The following NEURL1B variants were observed in gnomAD, a reference collection of about 807,000 sequenced individuals.
NEURL1B encodes the protein neuralized E3 ubiquitin protein ligase 1B.
NEURL1B carries 13 observed loss-of-function variants against 37.4 expected under a neutral mutation model. The observed-to-expected ratio is 0.35, with a 90% CI of 0.23 to 0.55. The LOEUF (loss-of-function observed/expected upper bound fraction) is 0.55. NEURL1B is among the 20% of genes least tolerant of loss of function. NEURL1B has a pLI of 0.89. For missense variants in NEURL1B, 790 were observed against 879.2 expected (o/e 0.90, Z 1.28); for synonymous variants, 432 against 426.6 (o/e 1.01, Z -0.16).
chr5:172,674,374 T>C (rs10064846), intron 2 of NEURL1B, among the ~76,000 whole-genome samples: 39,215 of 151,834 alleles, frequency 0.26, 7,993 homozygotes, highest in African/African-American at 0.58. Flanking sequence ...GCTGCAGCAG[T>C]GAGTGCTGCA....
At chr5:172,655,454 T>A (rs1757754150) in intron 1 of NEURL1B, among the ~76,000 whole-genome samples, 1 of 152,136 alleles carries the variant, frequency 6.6e-6, no homozygotes, top group Non-Finnish European at 1.5e-5. Context: ...TGTGCTGGTA[T>A]AAATCCTACG....
At chr5:172,674,836 T>C (rs4867684) in intron 2 of NEURL1B, among the ~76,000 whole-genome samples, 117,235 of 152,038 alleles carry the variant, frequency 0.77, 46,164 homozygotes, top group African/African-American at 0.94. Context: ...CCTTTTCATG[T>C]CTTCTCCTGA....
chr5:172,682,845 T>C (rs1758385362), intron 2 of NEURL1B, among the ~76,000 whole-genome samples: 1 of 152,210 alleles, frequency 6.6e-6, no homozygotes, highest in Non-Finnish European at 1.5e-5. Flanking sequence ...CCCTTGGTCA[T>C]GTTCCCCAAC....
chr5:172,646,543 C>G (rs1757563504), intron 1 of NEURL1B, among the ~76,000 whole-genome samples: 1 of 152,206 alleles, frequency 6.6e-6, no homozygotes, highest in Admixed American at 6.5e-5. Flanking sequence ...GTTCCTTGGG[C>G]TCTTTCCTGA....
At position 172,686,102 on chromosome 5, in the gene NEURL1B, G is replaced by A; in HGVS notation, c.1298-69G>A. ...CGGGAAAGCTAAGGTGCAAAGCAGT[G>A]AAGAACCATGGACTAGCAGGGCAGG... On this transcript the variant is annotated intron_variant, in intron 3 of 4. Coordinates refer to ENST00000369800, the MANE Select transcript of NEURL1B (RefSeq NM_001142651.3). The surrounding 1 kb of genome is among the most constrained non-coding windows in gnomAD (Gnocchi z 7.9). The A allele has an allele frequency of 6.5e-7, 1 of 1,532,496 alleles. No individual in the cohort carries two copies. The highest frequency in any genetic ancestry group is 8.8e-7 in the Non-Finnish European group (1 of 1,136,822). The allele number at this position is 1,532,496 out of a possible 1,614,324, so 94.9% of individuals were successfully genotyped here. A position where few individuals can be genotyped will look rare whatever the true frequency, so the allele number is the denominator to read the frequency against.
At position 172,661,041 on chromosome 5, in the gene NEURL1B, A is replaced by G. The variant is rs994617146; in HGVS notation, c.32-8744A>G. ...TCTGGATATGGCGGGAAGCCTTGCT[A>G]AATACCAGCCTTGCCTTTTCCTCTC... On this transcript the variant is annotated intron_variant, in intron 1 of 4. Coordinates refer to ENST00000369800, the MANE Select transcript of NEURL1B (RefSeq NM_001142651.3). The surrounding 1 kb of genome is among the most constrained non-coding windows in gnomAD (Gnocchi z 4.0). Among the ~76,000 whole-genome samples the G allele has an allele frequency of 6.6e-5, 10 of 152,120 alleles. No individual in the cohort carries two copies. The highest frequency in any genetic ancestry group is 2.2e-4 in the African/African-American group (9 of 41,414).
chr5:172,686,895 C>T lies in NEURL1B; in HGVS notation c.1638C>T (p.Ile546=). The T allele has an allele frequency of 1.3e-6, 2 of 1,550,064 alleles. No homozygotes were observed. The highest frequency in any genetic ancestry group is 1.7e-6 in the Non-Finnish European group (2 of 1,146,398). Reference sequence around the variant, plus strand: ...GCTGCCCCATCTGCCGGCGGCCCATCAAGGACGTCATTAAGATCTACAGGC... The same window carrying T: ...GCTGCCCCATCTGCCGGCGGCCCATTAAGGACGTCATTAAGATCTACAGGC... ...RACCPICRRP[I]KDVIKIYRP Residue 546 remains isoleucine (I), a synonymous_variant, in exon 5 of 5, where the codon ATC becomes ATT. Coordinates refer to ENST00000369800, the MANE Select transcript of NEURL1B (RefSeq NM_001142651.3). The surrounding 1 kb of genome is among the most constrained non-coding windows in gnomAD (Gnocchi z 7.9).
At chr5:172,656,925 C>T (rs1581423915) in intron 1 of NEURL1B, among the ~76,000 whole-genome samples, 3 of 152,202 alleles carry the variant, frequency 2.0e-5, no homozygotes, top group African/African-American at 7.2e-5. Flanking sequence ...CCAAATCCAG[C>T]ACAAGCTGGG....
At chr5:172,654,303 G>A (rs1001231476) in intron 1 of NEURL1B, among the ~76,000 whole-genome samples, 1 of 152,208 alleles carries the variant, frequency 6.6e-6, no homozygotes, top group Admixed American at 6.5e-5. Context: ...CCAATTATTA[G>A]GCAATTTTCC....
rs555552849 is a variant in NEURL1B, at chr5:172,647,970, G to A, written c.31+6533G>A. ...TCCTCACAGGCCCTTCCCCCATCCC[G>A]GACTTCCAGGCAGCCCCCACCAGTC... is the stretch of plus-strand genomic sequence containing the variant. On this transcript the variant is annotated intron_variant, in intron 1 of 4. Coordinates refer to ENST00000369800, the MANE Select transcript of NEURL1B (RefSeq NM_001142651.3). The surrounding 1 kb of genome is among the most constrained non-coding windows in gnomAD (Gnocchi z 4.2). Among the ~76,000 whole-genome samples the A allele has an allele frequency of 2.6e-5, 4 of 152,090 alleles. No homozygotes were observed. Among genetic ancestry groups the A allele is most frequent in the East Asian group, 1.9e-4 (1 of 5,166 alleles).
chr5:172,674,812 C>G (rs1050653750), intron 2 of NEURL1B, among the ~76,000 whole-genome samples: 1 of 152,124 alleles, frequency 6.6e-6, no homozygotes, highest in African/African-American at 2.4e-5. Flanking sequence ...TTCGCTTCAT[C>G]CCCAATCCCC....
In NEURL1B at chr5:172,684,117, G is replaced by A. The variant is rs1420680504; in HGVS notation, c.1276G>A (p.Ala426Thr). The change falls in exon 3 of 5, where the codon GCG becomes ACG. Residue 426 changes from alanine to threonine, a missense_variant. Physicochemically the swap from Ala to Thr is moderately conservative, Grantham distance 58. This residue lies in a region of NEURL1B where 460 missense variants were observed against 407.4 expected (regional missense o/e 1.13). Transcript: ENST00000369800. ...CTTCTTCGCCGTGCGCGGCGGCGTC[G>A]CGGGCCAGCTGCGTCTCCTCGGTGA... ...WAFFAVRGGVAGQLRLLGTLQ... is the reference protein window; with the variant it reads ...WAFFAVRGGVTGQLRLLGTLQ... The A allele has an allele frequency of 1.9e-5, 24 of 1,258,036 alleles. No homozygotes were observed. Among genetic ancestry groups the A allele is most frequent in the Non-Finnish European group, 2.2e-5 (22 of 1,001,288 alleles). 77.9% of individuals were successfully genotyped at this position (1,258,036 alleles called of 1,614,324 possible). A position where few individuals can be genotyped will look rare whatever the true frequency, so the allele number is the denominator to read the frequency against.
intron 2 of NEURL1B, among the ~76,000 whole-genome samples, chr5:172,674,293 G>A (rs1257377874): frequency 6.6e-5 from 10 of 152,072 alleles, no homozygotes; most frequent in Non-Finnish European, 1.3e-4. Context: ...AAAAGGGCTC[G>A]TAGGCCTCAC....
chr5:172,663,829 T>TTTTTTTATTATTATTATTATTA (rs138220033), intron 1 of NEURL1B, among the ~76,000 whole-genome samples: 42 of 140,844 alleles, frequency 3.0e-4, no homozygotes, highest in East Asian at 1.0e-3. Context: ...GTTTTATTTG[T>TTTTTTTATTATTATTATTATTA]TTATTATTAT....
intron 2 of NEURL1B, among the ~76,000 whole-genome samples, chr5:172,678,337 C>T (rs1241978144): frequency 6.6e-6 from 1 of 152,218 alleles, no homozygotes; most frequent in African/African-American, 2.4e-5. Flanking sequence ...TTGGGCTTCA[C>T]ATCTAGACTG....
Position 172,676,660 on chromosome 5 carries a change from C to A in NEURL1B, c.577+6330C>A, listed in dbSNP as rs1193136438. ...GCCAGAAACAACAGTCCTGCATGGG[C>A]CTTGGAAAGGTGTCATTTGCCCAGC... On this transcript the variant is annotated intron_variant, in intron 2 of 4. Transcript: ENST00000369800. The surrounding 1 kb of genome is among the most constrained non-coding windows in gnomAD (Gnocchi z 4.5). Among the ~76,000 whole-genome samples the A allele has an allele frequency of 2.0e-5, 3 of 152,160 alleles. No homozygotes were observed. The highest frequency in any genetic ancestry group is 4.4e-5 in the Non-Finnish European group (3 of 68,042).
chr5:172,683,877 G>T lies in NEURL1B; in HGVS notation c.1036G>T (p.Asp346Tyr). Residue 346 changes from aspartate to tyrosine, a missense_variant, in exon 3 of 5, where the codon GAC becomes TAC. By Grantham distance (160) the Asp-to-Tyr change is radical. This residue lies in a region of NEURL1B where 460 missense variants were observed against 407.4 expected (regional missense o/e 1.13). Coordinates refer to ENST00000369800, the MANE Select transcript of NEURL1B (RefSeq NM_001142651.3). The surrounding 1 kb of genome is among the most constrained non-coding windows in gnomAD (Gnocchi z 5.6). ...GCTGGCCTTCGGCATCACGTCGTGC[G>T]ACCCGGGCGTGCTACGGCCCAACGA... ...GALAFGITSC[D>Y]PGVLRPNELP... The T allele has an allele frequency of 7.2e-7, 1 of 1,398,472 alleles. No homozygotes were observed. Among genetic ancestry groups the T allele is most frequent in the East Asian group, 3.3e-5 (1 of 30,338 alleles). 86.6% of individuals were successfully genotyped at this position (1,398,472 alleles called of 1,614,324 possible).
In NEURL1B at chr5:172,689,414, AC is replaced by A. The variant is rs1457846060; in HGVS notation, c.*2490del. 6.6e-6 allele frequency: 1 copy of A among 152,194 alleles called. No homozygotes were observed. The highest frequency in any genetic ancestry group is 1.5e-5 in the Non-Finnish European group (1 of 68,036). The allele number at this position is 152,194 out of a possible 1,614,324, so 9.4% of individuals were successfully genotyped here. ...GCAGGTCTTATTGCCATAATAAGTC[AC>A]ATCAAAGACACTGCTGGTCATAAAA... On this transcript the variant is annotated 3_prime_UTR_variant, in exon 5 of 5. Transcript: ENST00000369800.
chr5:172,655,149 TGG>T (rs534650571), intron 1 of NEURL1B, among the ~76,000 whole-genome samples: 3 of 151,754 alleles, frequency 2.0e-5, no homozygotes, highest in Non-Finnish European at 4.4e-5. Context: ...AAGAAGAAAG[TGG>T]GGGGGTTGTG....
Sources: gnomAD v4.1 joint callset for allele counts (sites outside exome capture counted in the v4.1 genomes callset) on GRCh38, gnomAD v4.1.1 for gene constraint, gnomAD v4.1.1 regional missense constraint, Gnocchi (gnomAD v3.1) non-coding constraint, MANE v1.5 for transcripts, NCBI Gene and HGNC (gene_info 2026-07-23, HGNC 2026-07-21) for gene names.